Variants in ANO3 observed in about 807,000 individuals in gnomAD.
ANO3 encodes the protein anoctamin 3, also known as anoctamin-3.
A neutral mutation model predicts 144.8 loss-of-function variants in ANO3; 99 were observed. The observed-to-expected ratio is 0.68, with a 90% confidence interval of 0.58 to 0.81. The LOEUF is 0.81. Among genes scored for constraint, ANO3 ranks in the 30% least tolerant of loss-of-function variants. The pLI is 0.00. For missense variants in ANO3, 905 were observed against 1,202.2 expected, an observed-to-expected ratio of 0.75 and a Z score of 3.66; for synonymous variants, 414 against 392.6, an observed-to-expected ratio of 1.05 and a Z score of -0.64.
chr11:26,477,221 C>A (rs1860018303), intron 4 of ANO3, among the ~76,000 whole-genome samples: 1 of 151,988 alleles, frequency 6.6e-6, no homozygotes, highest in Non-Finnish European at 1.5e-5. Flanking sequence ...TTACTGAGGA[C>A]AGTAAACATA....
At chr11:26,332,069 G>A (rs1401518756), upstream of ANO3, 6 of 1,423,282 alleles carry the variant, frequency 4.2e-6, no homozygotes, top group Non-Finnish European at 5.5e-6. Context: ...GCTAAGGGGA[G>A]CCGGACGCTA....
chr11:26,638,281 A>G (rs1044150839), intron 20 of ANO3, among the ~76,000 whole-genome samples: 12 of 152,214 alleles, frequency 7.9e-5, no homozygotes, highest in Non-Finnish European at 1.6e-4. Context: ...TAACCAATTA[A>G]CATCACCAGT....
chr11:26,248,903 C>G (rs534522167), intron 1 of ANO3, among the ~76,000 whole-genome samples: 1 of 152,072 alleles, frequency 6.6e-6, no homozygotes, highest in South Asian at 2.1e-4. Context: ...AATAGGAATT[C>G]GAACCCTATT....
chr11:26,413,793 C>T (rs1381231419), intron 1 of ANO3, among the ~76,000 whole-genome samples: 2 of 152,024 alleles, frequency 1.3e-5, no homozygotes, highest in Non-Finnish European at 2.9e-5. Flanking sequence ...TGCACAATGG[C>T]TATGTTCAGG....
chr11:26,625,846 A>G (rs1409272884), intron 18 of ANO3, among the ~76,000 whole-genome samples: 3 of 152,180 alleles, frequency 2.0e-5, no homozygotes, highest in African/African-American at 7.2e-5. Flanking sequence ...GAATTTGGAT[A>G]CTACTTACTA....
intron 1 of ANO3, among the ~76,000 whole-genome samples, chr11:26,276,158 T>C (rs1853554166): frequency 6.6e-6 from 1 of 152,130 alleles, no homozygotes; most frequent in Non-Finnish European, 1.5e-5. Context: ...AAGTTTCATG[T>C]CCATTCCTGA....
chr11:26,253,900 T>C (rs11029427), intron 1 of ANO3, among the ~76,000 whole-genome samples: 1 of 152,138 alleles, frequency 6.6e-6, no homozygotes, highest in Non-Finnish European at 1.5e-5. Context: ...CTGATTATTG[T>C]CTTGTTCTAT....
chr11:26,320,500 A>G (rs1390568474), intron 1 of ANO3, among the ~76,000 whole-genome samples: 1 of 152,326 alleles, frequency 6.6e-6, no homozygotes, highest in Admixed American at 6.5e-5. Context: ...AACAGAATGT[A>G]GAAAGTAATC....
chr11:26,283,505 A>G (rs1289484665), intron 1 of ANO3, among the ~76,000 whole-genome samples: 1 of 151,652 alleles, frequency 6.6e-6, no homozygotes, highest in Non-Finnish European at 1.5e-5. Context: ...AAAACATTCA[A>G]CAATCAGTAC....
chr11:26,320,153 G>C (rs1854723991), intron 1 of ANO3, among the ~76,000 whole-genome samples: 1 of 152,172 alleles, frequency 6.6e-6, no homozygotes, highest in Non-Finnish European at 1.5e-5. Flanking sequence ...TGGAGTTCCT[G>C]TAGAGAAAAA....
At chr11:26,522,736 C>T (rs1388586146) in intron 6 of ANO3, among the ~76,000 whole-genome samples, 1 of 151,952 alleles carries the variant, frequency 6.6e-6, no homozygotes, top group East Asian at 1.9e-4. Flanking sequence ...AACAAAATTT[C>T]CCCCACCCAG....
At chr11:26,589,734 C>G (rs1851390126) in intron 14 of ANO3, among the ~76,000 whole-genome samples, 1 of 152,200 alleles carries the variant, frequency 6.6e-6, no homozygotes, top group African/African-American at 2.4e-5. Flanking sequence ...AATACATGAT[C>G]CTTCCTGTCC....
At chr11:26,526,730 G>T (rs1017306472) in intron 7 of ANO3, among the ~76,000 whole-genome samples, 4 of 152,068 alleles carry the variant, frequency 2.6e-5, no homozygotes, top group Non-Finnish European at 4.4e-5. Flanking sequence ...GAATATTAAA[G>T]AAATTAGCAC....
At chr11:26,271,250 T>C (rs1563959) in intron 1 of ANO3, among the ~76,000 whole-genome samples, 148,920 of 152,292 alleles carry the variant, frequency 0.98, 72,900 homozygotes, top group Non-Finnish European at 1. Context: ...TCACATATGC[T>C]GGGATGAGAC....
chr11:26,620,980 CA>C (rs1479611739), intron 17 of ANO3, among the ~76,000 whole-genome samples: 1 of 152,096 alleles, frequency 6.6e-6, no homozygotes, highest in Non-Finnish European at 1.5e-5. Context: ...GAAATTCAGA[CA>C]AGTAGATTAC....
In ANO3 at chr11:26,563,014, T is replaced by A. The variant is rs1255615392; in HGVS notation, c.1447+3235T>A. ...TAAGTCTTTAGTTTGTTCATTCATATGAATTCTTTTGGAATTACCTTCTAG... is the reference window on the plus strand; with the variant it reads ...TAAGTCTTTAGTTTGTTCATTCATAAGAATTCTTTTGGAATTACCTTCTAG... On this transcript the variant is annotated intron_variant, in intron 14 of 26. Transcript: ENST00000256737. 3.4e-6 allele frequency: 5 copies of A among 1,455,768 alleles called. No homozygotes were observed. In the African/African-American group the frequency reaches 7.2e-5, roughly 21 times the overall value. The allele number at this position is 1,455,768 out of a possible 1,614,324, so 90.2% of individuals were successfully genotyped here.
intron 1 of ANO3, among the ~76,000 whole-genome samples, chr11:26,279,802 G>T (rs1253131631): frequency 6.6e-6 from 1 of 152,120 alleles, no homozygotes; most frequent in Non-Finnish European, 1.5e-5. Flanking sequence ...TTTCCACTGT[G>T]ATTGTAGGCT....
In ANO3 at chr11:26,251,416, A is replaced by C. The variant is rs538957846; in HGVS notation, c.155-58229A>C. Among the ~76,000 whole-genome samples the C allele has an allele frequency of 7.9e-4, 121 of 152,342 alleles. 1 individual carries two copies. The highest frequency in any genetic ancestry group is 2.2e-3 in the African/African-American group (92 of 41,582). ...TATTTTTCAAATGAAAATCTCTTTT[A>C]TAATCCAAAAGGAAGAATGAGGTTG... On this transcript the variant is annotated intron_variant, in intron 1 of 27. Coordinates refer to the ANO3 transcript ENST00000672621.
chr11:26,485,068 G>T (rs551373471), intron 4 of ANO3, among the ~76,000 whole-genome samples: 5 of 152,280 alleles, frequency 3.3e-5, no homozygotes, highest in Admixed American at 6.5e-5. Flanking sequence ...GAAGGAACTT[G>T]CCTTGTCTCA....
Sources: allele counts gnomAD v4.1 joint callset (sites outside exome capture counted in the v4.1 genomes callset), GRCh38; gene constraint gnomAD v4.1.1; transcripts MANE v1.5; gene names NCBI Gene and HGNC (gene_info 2026-07-23, HGNC 2026-07-21).